Variants in SEMA3C observed in about 807,000 individuals in gnomAD.
SEMA3C encodes the protein semaphorin-3C.
In SEMA3C, 47 loss-of-function variants were observed where a neutral mutation model predicts 89.4. That is an observed-to-expected ratio of 0.53 (90% CI 0.42 to 0.67). The LOEUF (loss-of-function observed/expected upper bound fraction) is 0.67, where lower values mean the gene tolerates loss of function less well. Ranked by LOEUF, SEMA3C falls within the 30% of genes least tolerant of loss-of-function variation. SEMA3C has a pLI of 0.00. For missense variants in SEMA3C, 839 were observed against 929.1 expected (o/e 0.90, Z 1.26); for synonymous variants, 310 against 320.2 (o/e 0.97, Z 0.34).
At chr7:80,920,493 G>C (rs1446505878), upstream of SEMA3C, among the ~76,000 whole-genome samples, 9 of 152,220 alleles carry the variant, frequency 5.9e-5, no homozygotes, top group Non-Finnish European at 1.5e-5. Context: ...GTAGGAGGAA[G>C]AGGTGAGTGA....
intron 5 of SEMA3C, among the ~76,000 whole-genome samples, chr7:80,817,378 C>A (rs1248721088): frequency 6.6e-6 from 1 of 152,054 alleles, no homozygotes; most frequent in East Asian, 1.9e-4. Context: ...TCTCTAAAAT[C>A]AAATTAAAAT....
At chr7:80,918,285 C>T (rs980107563) in intron 1 of SEMA3C, 1 of 152,026 alleles carries the variant, frequency 6.6e-6, no homozygotes, top group South Asian at 2.1e-4. Flanking sequence ...ATTTTTTTTA[C>T]ATATTGGTAT....
At chr7:80,793,572 T>C (rs1788992694) in intron 11 of SEMA3C, 2 of 408,924 alleles carry the variant, frequency 4.9e-6, no homozygotes, top group Admixed American at 5.9e-5. Context: ...AAATGTAAGA[T>C]AAACAATCAA....
chr7:80,818,455 T>A (rs775848701), intron 4 of SEMA3C, 37 bp from the exon 5 acceptor site: 1 of 1,594,848 alleles, frequency 6.3e-7, no homozygotes, highest in South Asian at 1.1e-5. Flanking sequence ...AGTAACTCAA[T>A]GACTTTCATT....
chr7:80,819,644 T>G (rs1477299240), intron 4 of SEMA3C, among the ~76,000 whole-genome samples: 2 of 152,206 alleles, frequency 1.3e-5, no homozygotes, highest in Non-Finnish European at 1.5e-5. Flanking sequence ...TACTCCTTTC[T>G]TCTCTTGTAG....
chr7:80,890,530 A>C (rs1791586382), intron 2 of SEMA3C, among the ~76,000 whole-genome samples: 1 of 152,154 alleles, frequency 6.6e-6, no homozygotes, highest in Non-Finnish European at 1.5e-5. Flanking sequence ...TTTTTACTTG[A>C]GGTTTGGCTG....
Position 80,745,013 on chromosome 7 carries a change from G to C in SEMA3C, c.2137C>G (p.Arg713Gly), listed in dbSNP as rs199571544. The change falls in exon 18 of 18, where the codon CGG becomes GGG. Residue 713 changes from arginine (R) to glycine (G), a missense_variant. Coordinates refer to ENST00000265361, the MANE Select transcript of SEMA3C (RefSeq NM_006379.5). Reference protein sequence around the residue: ...QMINQYCKDTRQQHQQGDESQ... With the variant: ...QMINQYCKDTGQQHQQGDESQ... ...TCATCTCCCTGCTGATGTTGCTGCC[G>C]AGTGTCTTTGCAATATTGGTTAATC... 7.4e-6 allele frequency: 12 copies of C among 1,613,892 alleles called. No individual in the cohort carries two copies. Among genetic ancestry groups the C allele is most frequent in the African/African-American group, 2.7e-5 (2 of 74,866 alleles).
At chr7:80,794,282 T>C (rs1029576493) in intron 11 of SEMA3C, among the ~76,000 whole-genome samples, 1 of 152,114 alleles carries the variant, frequency 6.6e-6, no homozygotes, top group African/African-American at 2.4e-5. Flanking sequence ...TTAATCCCTT[T>C]TCAAATCAGA....
chr7:80,801,423 A>G (rs1459615075), intron 9 of SEMA3C, among the ~76,000 whole-genome samples: 1 of 152,078 alleles, frequency 6.6e-6, no homozygotes, highest in Non-Finnish European at 1.5e-5. Context: ...AAAGATGTTT[A>G]AAGTGTAGTA....
At chr7:80,816,376 C>T (rs1431460746) in intron 5 of SEMA3C, among the ~76,000 whole-genome samples, 3 of 152,130 alleles carry the variant, frequency 2.0e-5, no homozygotes, top group Non-Finnish European at 4.4e-5. Flanking sequence ...AATGTCATCT[C>T]TTAATAATAA....
intron 2 of SEMA3C, among the ~76,000 whole-genome samples, chr7:80,871,923 C>T (rs1791068017): frequency 6.6e-6 from 1 of 152,004 alleles, no homozygotes; most frequent in South Asian, 2.1e-4. Flanking sequence ...AAATGCATTA[C>T]ATAGTAATAT....
At chr7:80,845,810 C>G (rs960608768) in intron 2 of SEMA3C, among the ~76,000 whole-genome samples, 2 of 152,154 alleles carry the variant, frequency 1.3e-5, no homozygotes, top group Non-Finnish European at 2.9e-5. Context: ...CCCTACAAGG[C>G]ATGTGGAATT....
chr7:80,814,340 G>A lies in SEMA3C; in HGVS notation c.448-3639C>T, dbSNP rs573445166. Reference sequence around the variant, plus strand: ...CCTGACGTCATGATCTGCCCGCCTCGGCCTCCCTAAGTGCTGTGATTACAG... The same window carrying A: ...CCTGACGTCATGATCTGCCCGCCTCAGCCTCCCTAAGTGCTGTGATTACAG... On this transcript the variant is annotated intron_variant, in intron 5 of 17. Transcript: ENST00000265361. Among the ~76,000 whole-genome samples, 10 of 151,954 alleles carry A rather than the reference G, an allele frequency of 6.6e-5. No individual in the cohort carries two copies. In the South Asian group the frequency reaches 1.5e-3, roughly 22 times the overall value.
At position 80,744,322 on chromosome 7, in the gene SEMA3C, T is replaced by TA. The variant is rs1242436224; in HGVS notation, c.*571dup. The TA allele has an allele frequency of 6.6e-6, 1 of 152,516 alleles. No homozygotes were observed. The highest frequency in any genetic ancestry group is 2.4e-5 in the African/African-American group (1 of 41,448). The allele number at this position is 152,516 out of a possible 1,614,324, so 9.4% of individuals were successfully genotyped here. ...CAGTAACTGATTATTTTTACAATCT[T>TA]AAAAAAACCCCAACATATTTCATTG... is the stretch of plus-strand genomic sequence containing the variant. On this transcript the variant is annotated 3_prime_UTR_variant, in exon 18 of 18. Transcript: ENST00000265361.
intron 4 of SEMA3C, 24 bp from the exon 5 acceptor site, chr7:80,818,442 G>A: frequency 6.2e-7 from 1 of 1,602,488 alleles, no homozygotes; most frequent in South Asian, 1.1e-5. Context: ...TAAATAAGCA[G>A]TTAGTAACTC....
rs369151692 is a variant in SEMA3C at position 80,744,852 on chromosome 7, G to A, written c.*42C>T. 1 of 1,603,842 alleles carries A rather than the reference G, an allele frequency of 6.2e-7. No individual in the cohort carries two copies. The highest frequency in any genetic ancestry group is 1.3e-5 in the African/African-American group (1 of 74,538). On this transcript the variant is annotated 3_prime_UTR_variant, in exon 18 of 18. Transcript: ENST00000265361. ...GCTCAAAATTTGATCATTGAAGACA[G>A]AGCATTTGTTAATGGAAGCATAAGA... is the stretch of plus-strand genomic sequence containing the variant.
At chr7:80,802,586 T>C (rs1789234406) in intron 9 of SEMA3C, 79 bp downstream of exon 9, 1 of 846,302 alleles carries the variant, frequency 1.2e-6, no homozygotes, top group Admixed American at 2.2e-5. Flanking sequence ...AAAGTACATC[T>C]TCTTTTGAGA....
chr7:80,810,769 T>G, intron 5 of SEMA3C, 68 bp from the exon 6 acceptor site: 2 of 1,194,190 alleles, frequency 1.7e-6, no homozygotes, highest in Non-Finnish European at 2.5e-6. Flanking sequence ...TGTTCATTAG[T>G]AAAACAAAGC....
intron 12 of SEMA3C, among the ~76,000 whole-genome samples, chr7:80,766,047 T>C (rs1011095550): frequency 1.3e-5 from 2 of 152,204 alleles, no homozygotes; most frequent in African/African-American, 2.4e-5. Flanking sequence ...GATTGGAAAA[T>C]TCACATTTGG....
Sources: gnomAD v4.1 joint callset for allele counts (sites outside exome capture counted in the v4.1 genomes callset) on GRCh38, gnomAD v4.1.1 for gene constraint, MANE v1.5 for transcripts, NCBI Gene and HGNC (gene_info 2026-07-23, HGNC 2026-07-21) for gene names.